The following DENND5A variants were observed in gnomAD, a reference collection of about 807,000 sequenced individuals.
DENND5A encodes the protein DENN domain containing 5A, also known as DENN domain-containing protein 5A.
Under a neutral mutation model 140.3 loss-of-function variants are expected in DENND5A, and 64 were observed. The observed-to-expected ratio is 0.46, with a 90% CI of 0.37 to 0.56. The LOEUF (loss-of-function observed/expected upper bound fraction) is 0.56, where lower values mean the gene tolerates loss of function less well. Among genes scored for constraint, DENND5A ranks in the 20% least tolerant of loss-of-function variants. DENND5A has a pLI of 0.00. For synonymous variants in DENND5A, 605 were observed against 607.7 expected, an observed-to-expected ratio of 1.00 and a Z score of 0.07; for missense variants, 1,292 against 1,593.8, an observed-to-expected ratio of 0.81 and a Z score of 3.22.
chr11:9,246,375 G>A (rs1440998975), intron 1 of DENND5A, among the ~76,000 whole-genome samples: 1 of 152,104 alleles, frequency 6.6e-6, no homozygotes, highest in Non-Finnish European at 1.5e-5. Flanking sequence ...CACTTTGGGA[G>A]GCCCAGGCGG....
At chr11:9,229,906 T>C (rs900805871) in intron 1 of DENND5A, among the ~76,000 whole-genome samples, 1 of 132,966 alleles carries the variant, frequency 7.5e-6, no homozygotes, top group East Asian at 2.2e-4. Flanking sequence ...TTTCTTTTTT[T>C]TTTTTTTTTT....
At chr11:9,163,953 C>G (rs973568920) in intron 11 of DENND5A, among the ~76,000 whole-genome samples, 1 of 149,534 alleles carries the variant, frequency 6.7e-6, no homozygotes, top group Non-Finnish European at 1.5e-5. Context: ...TCAGAGTGAA[C>G]TGACAGAAGT....
intron 1 of DENND5A, among the ~76,000 whole-genome samples, chr11:9,254,285 G>A (rs986867728): frequency 6.6e-6 from 1 of 151,952 alleles, no homozygotes; most frequent in Non-Finnish European, 1.5e-5. Context: ...GAGGAAGTGA[G>A]GTATGATTGT....
chr11:9,150,669 C>T lies in DENND5A; in HGVS notation c.2606+11G>A, dbSNP rs535060138. The T allele has an allele frequency of 4.3e-5, 69 of 1,598,048 alleles. No homozygotes were observed. Among genetic ancestry groups the T allele is most frequent in the Admixed American group, 1.0e-4 (6 of 59,102 alleles). Reference sequence around the variant, plus strand: ...ATTTTAGTGGCTTATTACATGTGAGCCCATACTGACCTCATATCCTGAATC... The same window carrying T: ...ATTTTAGTGGCTTATTACATGTGAGTCCATACTGACCTCATATCCTGAATC... On this transcript the variant is annotated intron_variant, in intron 14 of 22. Coordinates refer to ENST00000328194, the MANE Select transcript of DENND5A (RefSeq NM_015213.4).
chr11:9,143,761 G>A (rs542531857), intron 19 of DENND5A, among the ~76,000 whole-genome samples: 1 of 152,366 alleles, frequency 6.6e-6, no homozygotes, highest in African/African-American at 2.4e-5. Context: ...GTAACCAAAA[G>A]AGAGCCAAGC....
chr11:9,191,843 A>C (rs1015777866), intron 5 of DENND5A, among the ~76,000 whole-genome samples: 26 of 152,324 alleles, frequency 1.7e-4, no homozygotes, highest in African/African-American at 6.0e-4. Context: ...GACTTTACAG[A>C]ATCATAATTA....
At chr11:9,146,732 C>A in intron 16 of DENND5A, 1 of 252,498 alleles carries the variant, frequency 4.0e-6, no homozygotes, top group Non-Finnish European at 7.6e-6. Context: ...ACTGCATCAG[C>A]TCAACTGACT....
chr11:9,242,271 G>A (rs1435309194), intron 1 of DENND5A, among the ~76,000 whole-genome samples: 1 of 152,168 alleles, frequency 6.6e-6, no homozygotes, highest in Non-Finnish European at 1.5e-5. Context: ...GTAAATAAGA[G>A]CTGAAGGAGG....
chr11:9,145,641 A>G (rs766588809), intron 17 of DENND5A, 29 bp downstream of exon 17: 3 of 1,613,606 alleles, frequency 1.9e-6, no homozygotes, highest in Non-Finnish European at 2.5e-6. Context: ...TCAGATCCCC[A>G]CAGAGCTGTG....
intron 1 of DENND5A, among the ~76,000 whole-genome samples, chr11:9,210,102 A>G (rs1036965144): frequency 2.6e-5 from 4 of 152,044 alleles, no homozygotes; most frequent in Non-Finnish European, 4.4e-5. Context: ...GCAAGACTCC[A>G]TCTCAAAAAA....
chr11:9,156,861 A>C (rs1323496943), intron 12 of DENND5A, among the ~76,000 whole-genome samples: 2 of 137,872 alleles, frequency 1.5e-5, no homozygotes, highest in Non-Finnish European at 3.2e-5. Flanking sequence ...AGAGGGATGG[A>C]AGGATGGATG....
chr11:9,246,781 T>G (rs951010995), intron 1 of DENND5A, among the ~76,000 whole-genome samples: 2 of 152,132 alleles, frequency 1.3e-5, no homozygotes, highest in African/African-American at 2.4e-5. Flanking sequence ...CTTAACCAAC[T>G]GCAAATCAGA....
intron 13 of DENND5A, 91 bp downstream of exon 13, chr11:9,152,267 G>T: frequency 2.1e-6 from 2 of 967,538 alleles, no homozygotes; most frequent in Non-Finnish European, 3.4e-6. Context: ...AAGCTTCTTC[G>T]ACCTGGAATA....
Position 9,166,107 on chromosome 11 carries a change from T to A in DENND5A, c.2152-140A>T, listed in dbSNP as rs563826883. The A allele has an allele frequency of 2.0e-3, 1,411 of 692,728 alleles. 5 individuals are homozygous for A. The highest frequency in any genetic ancestry group is 3.0e-3 in the Admixed American group (97 of 31,922). 42.9% of individuals were successfully genotyped at this position (692,728 alleles called of 1,614,324 possible). A position where few individuals can be genotyped will look rare whatever the true frequency, so the allele number is the denominator to read the frequency against. ...TTTTTCTTTTTTTTTTTGAGACGAATCTTGCTCTGTCGCCAGGCTGGAGTG... is the reference window on the plus strand; with the variant it reads ...TTTTTCTTTTTTTTTTTGAGACGAAACTTGCTCTGTCGCCAGGCTGGAGTG... On this transcript the variant is annotated intron_variant, in intron 10 of 22. Transcript: ENST00000328194.
chr11:9,225,854 T>G (rs910756307), intron 1 of DENND5A, among the ~76,000 whole-genome samples: 1 of 152,104 alleles, frequency 6.6e-6, no homozygotes, highest in Non-Finnish European at 1.5e-5. Flanking sequence ...GGAGGCCAAG[T>G]TGAGTGGATT....
At chr11:9,205,536 T>G (rs1220825471) in intron 3 of DENND5A, among the ~76,000 whole-genome samples, 1 of 152,122 alleles carries the variant, frequency 6.6e-6, no homozygotes, top group Non-Finnish European at 1.5e-5. Flanking sequence ...CTCTCCCTAC[T>G]TCACAGGGTT....
In DENND5A at chr11:9,156,483, C is replaced by T. The variant is rs60334310; in HGVS notation, c.2437-4041G>A. On this transcript the variant is annotated intron_variant, in intron 12 of 22. Transcript: ENST00000328194. Reference sequence around the variant, plus strand: ...CTGCTAAAAATACAAAAAAATTAGCCGGACGTGGTGGCCTGAGCCTGTAAT... The same window carrying T: ...CTGCTAAAAATACAAAAAAATTAGCTGGACGTGGTGGCCTGAGCCTGTAAT... Among the ~76,000 whole-genome samples the T allele has an allele frequency of 1.3e-3, 191 of 152,132 alleles. 1 individual carries two copies. The highest frequency in any genetic ancestry group is 4.4e-3 in the African/African-American group (182 of 41,510).
intron 12 of DENND5A, among the ~76,000 whole-genome samples, chr11:9,159,614 G>C (rs1847916175): frequency 6.6e-6 from 1 of 152,102 alleles, no homozygotes; most frequent in South Asian, 2.1e-4. Context: ...CACTGCGCCT[G>C]GCCTGCTATG....
Position 9,203,957 on chromosome 11 carries a change from C to A in DENND5A, c.652G>T (p.Ala218Ser), listed in dbSNP as rs748066258. ...CLITPMSFMK[A>S]CRSVLEQLHQ... ...AGTTGCTCCAGCACGCTCCGACATG[C>A]CTTCATGAAAGACATGGGTGTGATG... Residue 218 changes from alanine (A) to serine (S), a missense_variant, in exon 4 of 23, where the codon GCA (alanine) becomes TCA (serine). This residue lies in a region of DENND5A where 566 missense variants were observed against 650.4 expected (regional missense o/e 0.87). Transcript: ENST00000328194. The A allele has an allele frequency of 3.3e-5, 53 of 1,613,972 alleles. No individual in the cohort carries two copies. In the Admixed American group the frequency reaches 8.8e-4, roughly 27 times the overall value.
Sources: gnomAD v4.1 joint callset for allele counts (sites outside exome capture counted in the v4.1 genomes callset) on GRCh38, gnomAD v4.1.1 for gene constraint, gnomAD v4.1.1 regional missense constraint, MANE v1.5 for transcripts, NCBI Gene and HGNC (gene_info 2026-07-23, HGNC 2026-07-21) for gene names.